Variants in ZFAT observed in about 807,000 individuals in gnomAD.
ZFAT encodes zinc finger and AT-hook domain containing.
In ZFAT, 64 loss-of-function variants were observed where a neutral mutation model predicts 117.7. The ratio of observed to expected loss-of-function variants is 0.54; its 90% CI spans 0.44 to 0.67. The LOEUF is 0.67. Among genes scored for constraint, ZFAT ranks in the 30% least tolerant of loss-of-function variants. The pLI is 0.00. For synonymous variants in ZFAT, 679 were observed against 615.0 expected (o/e 1.10, Z -1.54); for missense variants, 1,433 against 1,584.5 (o/e 0.90, Z 1.62).
intron 1 of ZFAT, among the ~76,000 whole-genome samples, chr8:134,699,094 C>T (rs1833946310): frequency 6.6e-6 from 1 of 152,020 alleles, no homozygotes. Flanking sequence ...CCCACATTTC[C>T]CTAAAGTCCA....
intron 7 of ZFAT, among the ~76,000 whole-genome samples, chr8:134,591,516 G>A (rs577629500): frequency 6.6e-6 from 1 of 152,212 alleles, no homozygotes. Flanking sequence ...CCTAGAGTGG[G>A]TGTTATTGGT....
chr8:134,675,693 G>C lies in ZFAT; in HGVS notation c.20-17956C>G, dbSNP rs558804204. ...TTGAAATGAAGGCAACAGCCAGAGA[G>C]AAAGGTCGGGTTAGCCACAAAGGGA... On this transcript the variant is annotated intron_variant, in intron 1 of 15. Coordinates refer to ENST00000377838, the MANE Select transcript of ZFAT (RefSeq NM_020863.4). 5.3e-5 allele frequency among the ~76,000 whole-genome samples: 8 copies of C among 152,336 alleles called. No homozygotes were observed. In the East Asian group the frequency reaches 1.5e-3, roughly 29 times the overall value.
chr8:134,751,361 C>T, the ZFAT span, among the ~76,000 whole-genome samples: 1 of 152,130 alleles, frequency 6.6e-6, no homozygotes, highest in African/African-American at 2.4e-5. Flanking sequence ...AGGTCCTCAG[C>T]AGGTTCAGAA....
Position 134,608,849 on chromosome 8 carries a change from C to T in ZFAT, c.665G>A (p.Gly222Glu), listed in dbSNP as rs1828102932. 1.9e-6 allele frequency: 3 copies of T among 1,609,334 alleles called. No individual in the cohort carries two copies. ...ATTTGTAGCTCCTGTTTCAGGGGGC[C>T]CAGCCTCCACTGGCACAATCTTGGT... ...GATKIVPVEAGPPETGATNSE... is the reference protein window; with the variant it reads ...GATKIVPVEAEPPETGATNSE... The change falls in exon 5 of 16, where the codon GGG (glycine) becomes GAG (glutamate). Residue 222 changes from glycine to glutamate, a missense_variant. Physicochemically the swap from Gly to Glu is moderately conservative, Grantham distance 98 (BLOSUM62 -2). Coordinates refer to ENST00000377838, the MANE Select transcript of ZFAT (RefSeq NM_020863.4).
chr8:134,582,472 A>G (rs7012925), intron 10 of ZFAT, among the ~76,000 whole-genome samples: 33,799 of 152,258 alleles, frequency 0.22, 4,217 homozygotes, highest in African/African-American at 0.32. Context: ...ACGTTCAGGC[A>G]GCTGAGCGGT....
At chr8:134,610,311 C>A (rs1282014568) in intron 4 of ZFAT, among the ~76,000 whole-genome samples, 159 bp downstream of exon 4, 2 of 152,210 alleles carry the variant, frequency 1.3e-5, no homozygotes, top group Non-Finnish European at 2.9e-5. Flanking sequence ...AACACCTGGG[C>A]AGTAAGTAAG....
chr8:134,667,127 C>G (rs2131245170), intron 1 of ZFAT, among the ~76,000 whole-genome samples: 1 of 152,172 alleles, frequency 6.6e-6, no homozygotes, highest in Middle Eastern at 3.4e-3. Flanking sequence ...CACACTGGGG[C>G]CTGTCAGGGG....
the ZFAT span, among the ~76,000 whole-genome samples, chr8:134,810,815 A>G: frequency 2.0e-5 from 3 of 152,310 alleles, no homozygotes; most frequent in African/African-American, 2.4e-5. Flanking sequence ...TTGCAGCCAC[A>G]CTTTTTTGAA....
rs1830287415 is a variant in ZFAT, at chr8:134,637,473, C to T, written c.436G>A (p.Glu146Lys). ...CIIVLNLGEEEGEAGNESDLE... is the reference protein window; with the variant it reads ...CIIVLNLGEEKGEAGNESDLE... ...TGGCAGCATTTACCTGCTTCTCCTT[C>T]CTCCTCACCCAAATTCAGCACGATA... Residue 146 changes from glutamate (E) to lysine (K), a missense_variant, in exon 3 of 16, where the codon GAA (glutamate) becomes AAA (lysine). This residue lies in a region of ZFAT where 436 missense variants were observed against 482.0 expected (regional missense o/e 0.90). Transcript: ENST00000377838. The T allele has an allele frequency of 6.2e-7, 1 of 1,607,528 alleles. No individual in the cohort carries two copies. The highest frequency in any genetic ancestry group is 8.5e-7 in the Non-Finnish European group (1 of 1,174,418).
At chr8:134,489,729 A>G (rs1004891946) in intron 15 of ZFAT, among the ~76,000 whole-genome samples, 1 of 152,100 alleles carries the variant, frequency 6.6e-6, no homozygotes, top group Non-Finnish European at 1.5e-5. Context: ...ACAACTCCCA[A>G]ATGTATGTCT....
At chr8:134,800,108 A>G in the ZFAT span, among the ~76,000 whole-genome samples, 25 of 152,322 alleles carry the variant, frequency 1.6e-4, no homozygotes, top group East Asian at 4.6e-3. Context: ...GTTAAAGCAC[A>G]CTGCAATACT....
the ZFAT span, among the ~76,000 whole-genome samples, chr8:134,808,433 C>A: frequency 1.3e-5 from 2 of 152,176 alleles, no homozygotes; most frequent in Non-Finnish European, 2.9e-5. Flanking sequence ...TTAGGCAAAA[C>A]AATTTTAATT....
chr8:134,713,033 G>C (rs1814084037), upstream of ZFAT: 1 of 744,344 alleles, frequency 1.3e-6, no homozygotes, highest in African/African-American at 1.9e-5. Context: ...ATGGCGGATG[G>C]AGTCTTCGCC....
At chr8:134,828,127 TGA>T in the ZFAT span, among the ~76,000 whole-genome samples, 1 of 152,234 alleles carries the variant, frequency 6.6e-6, no homozygotes, top group Non-Finnish European at 1.5e-5. Flanking sequence ...AACAGTCATT[TGA>T]GACAGTCCCT....
chr8:134,739,317 G>A, the ZFAT span, among the ~76,000 whole-genome samples: 1 of 135,478 alleles, frequency 7.4e-6, no homozygotes, highest in Non-Finnish European at 1.6e-5. Context: ...GTGTGTGTGT[G>A]TACACATGCA....
intron 1 of ZFAT, among the ~76,000 whole-genome samples, chr8:134,693,947 G>A (rs1396942187): frequency 6.6e-6 from 1 of 152,200 alleles, no homozygotes; most frequent in Non-Finnish European, 1.5e-5. Flanking sequence ...TGCTGAGAAC[G>A]CAGCATTATT....
At chr8:134,699,062 T>C (rs1370419696) in intron 1 of ZFAT, among the ~76,000 whole-genome samples, 1 of 152,172 alleles carries the variant, frequency 6.6e-6, no homozygotes, top group African/African-American at 2.4e-5. Context: ...ACCTTGTATT[T>C]CTGCAACTGT....
the ZFAT span, among the ~76,000 whole-genome samples, chr8:134,735,275 G>C: frequency 6.6e-6 from 1 of 152,182 alleles, no homozygotes; most frequent in African/African-American, 2.4e-5. Context: ...CTCTAAGCCT[G>C]AAAGGGTTGT....
chr8:134,722,439 A>G, the ZFAT span, among the ~76,000 whole-genome samples: 1 of 152,210 alleles, frequency 6.6e-6, no homozygotes, highest in East Asian at 1.9e-4. Context: ...CACCAAAGAC[A>G]AAAGAGGACT....
Sources: allele counts gnomAD v4.1 joint callset (sites outside exome capture counted in the v4.1 genomes callset), GRCh38; gene constraint gnomAD v4.1.1; regional missense constraint gnomAD v4.1.1; transcripts MANE v1.5; gene names NCBI Gene and HGNC (gene_info 2026-07-23, HGNC 2026-07-21).